CYLC2: variants seen among roughly 807,000 people sequenced by gnomAD.
CYLC2 encodes cylicin 2.
A neutral mutation model predicts 26.1 loss-of-function variants in CYLC2; 30 were observed. The ratio of observed to expected loss-of-function variants is 1.15; its 90% CI spans 0.86 to 1.56. The LOEUF is 1.56. CYLC2 is among the 40% of genes most tolerant of loss of function. The pLI is 0.00. For synonymous variants in CYLC2, 158 were observed against 132.8 expected, an observed-to-expected ratio of 1.19 and a Z score of -1.31; for missense variants, 498 against 394.4, an observed-to-expected ratio of 1.26 and a Z score of -2.23.
intron 2 of CYLC2, among the ~76,000 whole-genome samples, chr9:103,002,543 G>A (rs757995445): frequency 1.5e-4 from 22 of 151,262 alleles, no homozygotes; most frequent in African/African-American, 2.9e-4. Context: ...TAGTAGAGAC[G>A]GGGTTTCACC....
chr9:103,005,192 A>C lies in CYLC2; in HGVS notation c.561A>C (p.Lys187Asn). The change falls in exon 5 of 8, where the codon AAA (lysine) becomes AAC (asparagine). Residue 187 changes from lysine (K) to asparagine (N), a missense_variant. Lys to Asn is a moderately conservative substitution (Grantham distance 94, BLOSUM62 0). Coordinates refer to ENST00000374798, the MANE Select transcript of CYLC2 (RefSeq NM_001340.5). ...ESEDEKGGAK[K>N]DNKKDKKDSN... Reference sequence around the variant, plus strand: ...AAGATGAAAAAGGAGGTGCAAAGAAAGATAACAAAAAAGATAAAAAGGATT... The same window carrying C: ...AAGATGAAAAAGGAGGTGCAAAGAACGATAACAAAAAAGATAAAAAGGATT... 6.2e-7 allele frequency: 1 copy of C among 1,607,316 alleles called. No homozygotes were observed. Among genetic ancestry groups the C allele is most frequent in the Non-Finnish European group, 8.5e-7 (1 of 1,178,292 alleles).
intron 6 of CYLC2, among the ~76,000 whole-genome samples, chr9:103,013,262 T>TTATATATATTATA (rs1554713555): frequency 6.4e-5 from 7 of 109,590 alleles, no homozygotes; most frequent in Admixed American, 2.4e-4. Context: ...ATTTAATGTG[T>TTATATATATTATA]TATATATATT....
rs535022651 is a variant in CYLC2 at position 102,995,399 on chromosome 9, T to C, written c.17+2T>C. On this transcript the variant is annotated splice_donor_variant, in intron 1 of 7. Coordinates refer to ENST00000374798, the MANE Select transcript of CYLC2 (RefSeq NM_001340.5). LOFTEE classifies it high-confidence loss of function. ...GGGGAAAATGTCTCTCCCAAGATTG[T>C]AAGTCAAATTTTATGTTTTAAAATA... 1 of 1,601,514 alleles carries C rather than the reference T, an allele frequency of 6.2e-7. No homozygotes were observed. The highest frequency in any genetic ancestry group is 2.2e-5 in the East Asian group (1 of 44,638).
chr9:103,004,849 C>G lies in CYLC2; in HGVS notation c.335C>G (p.Ala112Gly). ...ACTGTCGAGGTGGATTCTAAAGCAG[C>G]AGGTAGAGATAACTTACTGTTTTTA... The part of the protein sequence containing the change: ...TRTVEVDSKA[A>G]EIGKKGEDKT... Residue 112 changes from alanine to glycine, a missense_variant and splice_region_variant, in exon 4 of 8, where the codon GCA becomes GGA. Transcript: ENST00000374798. 6.2e-7 allele frequency: 1 copy of G among 1,607,362 alleles called. No homozygotes were observed. The highest frequency in any genetic ancestry group is 8.5e-7 in the Non-Finnish European group (1 of 1,178,302).
At chr9:103,002,909 A>G (rs1389614131) in intron 2 of CYLC2, among the ~76,000 whole-genome samples, 1 of 152,194 alleles carries the variant, frequency 6.6e-6, no homozygotes, top group Non-Finnish European at 1.5e-5. Context: ...TAGTTATGCT[A>G]GTTTTGCAAT....
chr9:103,010,132 ACAAT>A lies in CYLC2; in HGVS notation c.*701-1845_*701-1842del, dbSNP rs982382507. ...AAACTTATTTTCATGAGAAATCAAT[ACAAT>A]CAATTTTAAACAAATAAGAATTTAC... is the stretch of plus-strand genomic sequence containing the variant. On this transcript the variant is annotated intron_variant, in intron 5 of 7. Transcript: ENST00000374798. 3.9e-5 allele frequency among the ~76,000 whole-genome samples: 6 copies of A among 152,132 alleles called. No homozygotes were observed. The South Asian group carries it at 6.2e-4, about 16-fold the overall frequency.
At chr9:103,006,623 C>G (rs2118244490) in intron 5 of CYLC2, among the ~76,000 whole-genome samples, 1 of 152,038 alleles carries the variant, frequency 6.6e-6, no homozygotes, top group African/African-American at 2.4e-5. Flanking sequence ...ACCGTGTTAG[C>G]CAAGATGGTC....
intron 1 of CYLC2, among the ~76,000 whole-genome samples, chr9:102,998,378 A>G (rs1183517341): frequency 1.3e-5 from 2 of 151,924 alleles, no homozygotes; most frequent in Admixed American, 6.6e-5. Context: ...GGGATATACT[A>G]AGTTTATTTT....
At chr9:103,013,980 A>T (rs1225350231) in intron 6 of CYLC2, among the ~76,000 whole-genome samples, 1 of 114,648 alleles carries the variant, frequency 8.7e-6, no homozygotes, top group East Asian at 3.0e-4. Context: ...ATTATATATT[A>T]TTTAATATGA....
intron 6 of CYLC2, among the ~76,000 whole-genome samples, chr9:103,013,654 A>C (rs1464981995): frequency 9.0e-6 from 1 of 111,692 alleles, no homozygotes; most frequent in African/African-American, 3.7e-5. Context: ...ATAAAAATAT[A>C]AATATATTAT....
At chr9:103,014,851 C>T (rs1370826536) in intron 6 of CYLC2, among the ~76,000 whole-genome samples, 3 of 107,644 alleles carry the variant, frequency 2.8e-5, no homozygotes, top group Non-Finnish European at 3.7e-5. Flanking sequence ...GTATATTATG[C>T]AATATACATA....
At chr9:103,009,378 G>C (rs558506853) in intron 5 of CYLC2, among the ~76,000 whole-genome samples, 1 of 151,768 alleles carries the variant, frequency 6.6e-6, no homozygotes, top group Admixed American at 6.6e-5. Context: ...GATAATTTTT[G>C]TATTTTGTAG....
At chr9:103,007,625 G>A (rs973629514) in intron 5 of CYLC2, among the ~76,000 whole-genome samples, 1 of 152,074 alleles carries the variant, frequency 6.6e-6, no homozygotes, top group African/African-American at 2.4e-5. Context: ...GCAGTATTAA[G>A]CAAAATGCAA....
intron 6 of CYLC2, among the ~76,000 whole-genome samples, chr9:103,014,153 A>G (rs1341824513): frequency 8.3e-6 from 1 of 120,678 alleles, no homozygotes; most frequent in African/African-American, 3.4e-5. Flanking sequence ...TATATTATTT[A>G]ATATATAATA....
intron 6 of CYLC2, among the ~76,000 whole-genome samples, chr9:103,014,681 T>A (rs1829473100): frequency 7.3e-6 from 1 of 136,436 alleles, no homozygotes; most frequent in Non-Finnish European, 1.6e-5. Flanking sequence ...TTATGCAGTA[T>A]ACATATGTAA....
At chr9:102,996,608 T>C (rs1376220179) in intron 1 of CYLC2, among the ~76,000 whole-genome samples, 1 of 151,920 alleles carries the variant, frequency 6.6e-6, no homozygotes, top group South Asian at 2.1e-4. Flanking sequence ...AAGTGACAGC[T>C]CCCAATTCAT....
At chr9:102,998,399 G>A (rs991547423) in intron 1 of CYLC2, among the ~76,000 whole-genome samples, 1 of 151,790 alleles carries the variant, frequency 6.6e-6, no homozygotes, top group Non-Finnish European at 1.5e-5. Context: ...CAATAAGACA[G>A]TTTGTAAGTT....
chr9:103,002,694 G>A (rs557462155), intron 2 of CYLC2, among the ~76,000 whole-genome samples: 2 of 152,146 alleles, frequency 1.3e-5, no homozygotes, highest in East Asian at 1.9e-4. Flanking sequence ...TAACTAAGGG[G>A]ATCTTAAGTC....
rs1564097646 is a variant in CYLC2, at chr9:103,005,001, CAGA to C, written c.373_375del (p.Lys125del). 6.3e-7 allele frequency: 1 copy of C among 1,587,786 alleles called. No individual in the cohort carries two copies. Among genetic ancestry groups the C allele is most frequent in the Admixed American group, 2.0e-5 (1 of 51,006 alleles). On this transcript the variant is annotated inframe_deletion, in exon 5 of 8. Coordinates refer to ENST00000374798, the MANE Select transcript of CYLC2 (RefSeq NM_001340.5). ...TAAGAAAGGTGAAGACAAGACAACA[CAGA>C]AGGACACAACAGATTCGGAATCAGA...
Sources: gnomAD v4.1 joint callset for allele counts (sites outside exome capture counted in the v4.1 genomes callset) on GRCh38, gnomAD v4.1.1 for gene constraint, MANE v1.5 for transcripts, NCBI Gene and HGNC (gene_info 2026-07-23, HGNC 2026-07-21) for gene names.